Variants in KPNB1 observed in about 807,000 individuals in gnomAD.
KPNB1 encodes the protein importin subunit beta-1.
Under a neutral mutation model 113.0 loss-of-function variants are expected in KPNB1, and 7 were observed. The observed-to-expected ratio is 0.06, with a 90% CI of 0.04 to 0.12. KPNB1 has a LOEUF of 0.12. Ranked by LOEUF, KPNB1 falls within the 10% of genes least tolerant of loss-of-function variation. The pLI is 1.00. For synonymous variants in KPNB1, 363 were observed against 378.6 expected (o/e 0.96, Z 0.48); for missense variants, 400 against 1,054.8 (o/e 0.38, Z 8.60).
At chr17:47,681,475 T>C (rs1294161386) in intron 21 of KPNB1, among the ~76,000 whole-genome samples, 2 of 151,798 alleles carry the variant, frequency 1.3e-5, no homozygotes, top group Non-Finnish European at 2.9e-5. Flanking sequence ...GATTTCACCA[T>C]CTTGGCCAGG....
chr17:47,680,723 A>T, intron 21 of KPNB1, 54 bp downstream of exon 21: 8 of 1,557,202 alleles, frequency 5.1e-6, no homozygotes, highest in Non-Finnish European at 7.0e-6. Context: ...GGAGGGGGGT[A>T]TGTTTTCTTT....
chr17:47,669,388 C>T (rs1254135015), intron 10 of KPNB1, among the ~76,000 whole-genome samples: 1 of 152,210 alleles, frequency 6.6e-6, no homozygotes, highest in Non-Finnish European at 1.5e-5. Flanking sequence ...TCCCAGAGTG[C>T]TGGGATTACA....
intron 3 of KPNB1, among the ~76,000 whole-genome samples, chr17:47,656,266 A>G (rs2029900774): frequency 6.6e-6 from 1 of 151,884 alleles, no homozygotes; most frequent in African/African-American, 2.4e-5. Flanking sequence ...TCTCAAAAAA[A>G]AAAAGAATTC....
At chr17:47,658,683 A>G (rs1243684014) in intron 5 of KPNB1, 23 bp downstream of exon 5, 5 of 1,602,530 alleles carry the variant, frequency 3.1e-6, no homozygotes, top group Non-Finnish European at 4.3e-6. Context: ...ACAATAAGGT[A>G]TAGATTCAGA....
chr17:47,650,555 T>TC (rs1419727146), intron 2 of KPNB1, 111 bp downstream of exon 2: 99 of 550,724 alleles, frequency 1.8e-4, no homozygotes, highest in Admixed American at 2.4e-4. Context: ...CCCCATCCCG[T>TC]CCCCCTCCCC....
Position 47,684,877 on chromosome 17 carries a change from T to C in KPNB1, c.*2473T>C, listed in dbSNP as rs1271313378. 1 of 152,462 alleles carries C rather than the reference T, an allele frequency of 6.6e-6. No individual in the cohort carries two copies. The highest frequency in any genetic ancestry group is 1.5e-5 in the Non-Finnish European group (1 of 68,054). 9.4% of individuals were successfully genotyped at this position (152,462 alleles called of 1,614,324 possible). A position where few individuals can be genotyped will look rare whatever the true frequency, so the allele number is the denominator to read the frequency against. The stretch of plus-strand genomic sequence containing the variant: ...CCTTTTGCCAGTGGGTTTTCCATAG[T>C]CTGGGTATTTGTCCTTATATCAGTT... On this transcript the variant is annotated 3_prime_UTR_variant, in exon 22 of 22. Transcript: ENST00000290158.
intron 19 of KPNB1, chr17:47,679,809 A>G (rs1007611195): frequency 1.1e-4 from 45 of 394,268 alleles, no homozygotes; most frequent in South Asian, 1.6e-4. Flanking sequence ...CCATTTTCCT[A>G]CCTCAGCCTC....
At chr17:47,664,715 CTT>C (rs1422338882) in intron 8 of KPNB1, among the ~76,000 whole-genome samples, 1 of 152,070 alleles carries the variant, frequency 6.6e-6, no homozygotes, top group African/African-American at 2.4e-5. Flanking sequence ...TCTTTACACA[CTT>C]TTATTTCAGG....
In KPNB1 at chr17:47,668,261, T is replaced by A. The variant is rs1181563270; in HGVS notation, c.1075T>A (p.Cys359Ser). 6.2e-7 allele frequency: 1 copy of A among 1,614,194 alleles called. No individual in the cohort carries two copies. Among genetic ancestry groups the A allele is most frequent in the East Asian group, 2.2e-5 (1 of 44,876 alleles). Residue 359 changes from cysteine to serine, a missense_variant, in exon 10 of 22, where the codon TGT becomes AGT. Cys to Ser is a moderately radical substitution (Grantham distance 112, BLOSUM62 -1). This residue lies in a region of KPNB1 where 285 missense variants were observed against 627.0 expected (regional missense o/e 0.45). Coordinates refer to ENST00000290158, the MANE Select transcript of KPNB1 (RefSeq NM_002265.6). ...GTGCCTCATGCTTCTGGCCACCTGC[T>A]GTGAAGATGACATTGTCCCACATGT... Reference protein sequence around the residue: ...GVCLMLLATCCEDDIVPHVLP... With the variant: ...GVCLMLLATCSEDDIVPHVLP...
At position 47,676,332 on chromosome 17, in the gene KPNB1, G is replaced by T. The variant is rs1207598641; in HGVS notation, c.1913-77G>T. On this transcript the variant is annotated intron_variant, in intron 15 of 21. Transcript: ENST00000290158. ...AGTGGAGCGAGTACATTTTGGGAGA[G>T]GTAGGATGGGTTATTTCTGCCTGCC... The T allele has an allele frequency of 5.0e-6, 5 of 995,950 alleles. No individual in the cohort carries two copies. The Admixed American group carries it at 8.6e-5, about 17-fold the overall frequency. The allele number at this position is 995,950 out of a possible 1,614,324, so 61.7% of individuals were successfully genotyped here.
At chr17:47,669,163 C>CA (rs1421383342) in intron 10 of KPNB1, among the ~76,000 whole-genome samples, 1 of 151,810 alleles carries the variant, frequency 6.6e-6, no homozygotes, top group East Asian at 1.9e-4. Context: ...TGCTGAAGTG[C>CA]AGTGGTGCAA....
At chr17:47,676,303 G>T in intron 15 of KPNB1, 106 bp from the exon 16 acceptor site, 1 of 820,698 alleles carries the variant, frequency 1.2e-6, no homozygotes, top group South Asian at 1.4e-5. Flanking sequence ...CACCCAACCT[G>T]TTGAGTGGAG....
chr17:47,665,804 C>G (rs528887135), intron 9 of KPNB1, among the ~76,000 whole-genome samples: 70 of 152,190 alleles, frequency 4.6e-4, no homozygotes, highest in Non-Finnish European at 9.0e-4. Context: ...TTTTTTGATA[C>G]GGTATTTGGG....
intron 6 of KPNB1, 26 bp downstream of exon 6, chr17:47,661,204 C>T (rs766066121): frequency 1.0e-5 from 16 of 1,559,630 alleles, no homozygotes; most frequent in Non-Finnish European, 1.4e-5. Context: ...TATGAAAAAT[C>T]TGTCTTACAT....
intron 8 of KPNB1, among the ~76,000 whole-genome samples, chr17:47,664,479 T>C (rs2030204792): frequency 6.6e-6 from 1 of 152,066 alleles, no homozygotes; most frequent in African/African-American, 2.4e-5. Context: ...TCAGGCATGA[T>C]TGATCGTAAA....
chr17:47,681,265 C>CTTTTTTTTTTTTTTTTTTTTTTTTT (rs535906429), intron 21 of KPNB1, among the ~76,000 whole-genome samples: 2 of 122,698 alleles, frequency 1.6e-5, no homozygotes, highest in East Asian at 2.3e-4. Flanking sequence ...TTTTCTTCTT[C>CTTTTTTTTTTTTTTTTTTTTTTTTT]TTTTTTTTTT....
rs777592438 is a variant in KPNB1 at position 47,657,030 on chromosome 17, G to A, written c.453G>A (p.Leu151=). Residue 151 remains leucine (L), a synonymous_variant, in exon 4 of 22, where the codon TTG becomes TTA. Transcript: ENST00000290158. ...CAGAGCACATGAAGGAGTCGACATTGGAAGCCATCGGTTATATTTGCCAAG... is the reference window on the plus strand; with the variant it reads ...CAGAGCACATGAAGGAGTCGACATTAGAAGCCATCGGTTATATTTGCCAAG... ...NSTEHMKEST[L]EAIGYICQDI... 4.5e-5 allele frequency: 72 copies of A among 1,614,048 alleles called. No homozygotes were observed. The highest frequency in any genetic ancestry group is 6.0e-5 in the Non-Finnish European group (71 of 1,180,030).
At chr17:47,680,763 C>A in intron 21 of KPNB1, 94 bp downstream of exon 21, 3 of 1,290,826 alleles carry the variant, frequency 2.3e-6, no homozygotes, top group Non-Finnish European at 3.2e-6. Flanking sequence ...TGCCTTCTGG[C>A]ATTTTTTTTG....
rs1233117995 is a variant in KPNB1 at position 47,682,488 on chromosome 17, C to T, written c.*84C>T. 11 of 774,536 alleles carry T rather than the reference C, an allele frequency of 1.4e-5. No homozygotes were observed. Among genetic ancestry groups the T allele is most frequent in the Admixed American group, 5.2e-5 (3 of 58,188 alleles). 48.0% of individuals were successfully genotyped at this position (774,536 alleles called of 1,614,324 possible). ...AAAACCTGGAAGTGAGGAGTGTGCA[C>T]GGATGCTGAATGTTTGGGAATGAGA... On this transcript the variant is annotated 3_prime_UTR_variant, in exon 22 of 22. Coordinates refer to ENST00000290158, the MANE Select transcript of KPNB1 (RefSeq NM_002265.6).
Sources: allele counts gnomAD v4.1 joint callset (sites outside exome capture counted in the v4.1 genomes callset), GRCh38; gene constraint gnomAD v4.1.1; regional missense constraint gnomAD v4.1.1; transcripts MANE v1.5; gene names NCBI Gene and HGNC (gene_info 2026-07-23, HGNC 2026-07-21).